GSE1: variants seen among roughly 807,000 people sequenced by gnomAD.
GSE1 encodes the protein genetic suppressor element 1.
GSE1 carries 32 observed loss-of-function variants against 112.6 expected under a neutral mutation model. The observed-to-expected ratio is 0.28, with a 90% confidence interval of 0.21 to 0.38. The LOEUF (loss-of-function observed/expected upper bound fraction) is 0.38, where lower values mean the gene tolerates loss of function less well. Ranked by LOEUF, GSE1 falls within the 10% of genes least tolerant of loss-of-function variation. The pLI is 1.00. For synonymous variants in GSE1, 1,115 were observed against 735.6 expected, an observed-to-expected ratio of 1.52 and a Z score of -8.35; for missense variants, 2,348 against 1,699.2, an observed-to-expected ratio of 1.38 and a Z score of -6.71.
rs1026650910 is a variant in GSE1, at chr16:85,604,592, C to T, written c.38-43960C>T. On this transcript the variant is annotated intron_variant, in intron 1 of 2. Coordinates refer to the GSE1 transcript ENST00000635906. The stretch of plus-strand genomic sequence containing the variant: ...AGAGACCACATTTTGTTTATCTCTT[C>T]CCCCCGTTGATGGTCACATGGGCTG... Among the ~76,000 whole-genome samples the T allele has an allele frequency of 9.9e-4, 148 of 149,030 alleles. 1 individual carries two copies. Among genetic ancestry groups the T allele is most frequent in the Non-Finnish European group, 1.4e-3 (94 of 67,372 alleles).
chr16:85,178,107 G>T (rs1182470115), intron 1 of GSE1, among the ~76,000 whole-genome samples: 1 of 152,204 alleles, frequency 6.6e-6, no homozygotes, highest in African/African-American at 2.4e-5. Context: ...AAGAGGTCCA[G>T]CCGTGGTTGT....
intron 2 of GSE1, among the ~76,000 whole-genome samples, chr16:85,480,751 T>TC (rs1226251936): frequency 6.6e-6 from 1 of 152,180 alleles, no homozygotes; most frequent in African/African-American, 2.4e-5. Flanking sequence ...TGGCCAGCAC[T>TC]GTCGGTCAGG....
Position 85,661,502 on chromosome 16 carries a change from C to A in GSE1, c.1997C>A (p.Pro666His). The A allele has an allele frequency of 6.2e-7, 1 of 1,611,906 alleles. No individual in the cohort carries two copies. Among genetic ancestry groups the A allele is most frequent in the Non-Finnish European group, 8.5e-7 (1 of 1,179,562 alleles). ...GAGGGAGGGAGCCTGGAGCACCAGCCCTTCCTGCCCGGGCCCGGGCCCTTC... is the reference window on the plus strand; with the variant it reads ...GAGGGAGGGAGCCTGGAGCACCAGCACTTCCTGCCCGGGCCCGGGCCCTTC... ...PREGGSLEHQ[P>H]FLPGPGPFLA... The change falls in exon 9 of 16, where the codon CCC (proline) becomes CAC (histidine). Residue 666 changes from proline (P) to histidine (H), a missense_variant. Coordinates refer to ENST00000253458, the MANE Select transcript of GSE1 (RefSeq NM_014615.5).
Position 85,648,599 on chromosome 16 carries a change from A to G in GSE1, c.274A>G (p.Asn92Asp). ...ESSPVSSPAT[N>D]HSSPASTPKR... ...GTCCCCCGTGTCCTCTCCGGCCACC[A>G]ACCACAGCTCCCCCGCCAGCACACC... Residue 92 changes from asparagine (N) to aspartate (D), a missense_variant, in exon 3 of 16, where the codon AAC (asparagine) becomes GAC (aspartate). Transcript: ENST00000253458. 6.2e-7 allele frequency: 1 copy of G among 1,605,352 alleles called. No homozygotes were observed. Among genetic ancestry groups the G allele is most frequent in the Non-Finnish European group, 8.5e-7 (1 of 1,175,944 alleles).
At position 85,628,022 on chromosome 16, in the gene GSE1, C is replaced by T. The variant is rs374715138; in HGVS notation, c.8-5892C>T. Among the ~76,000 whole-genome samples, 8 of 152,148 alleles carry T rather than the reference C, an allele frequency of 5.3e-5. No homozygotes were observed. The East Asian group carries it at 1.2e-3, about 22-fold the overall frequency. ...GCAGCAGCCTTGAAGTGATCCCCAC[C>T]AGGCCTGGAGGGGCAGGAGGCACGT... On this transcript the variant is annotated intron_variant, in intron 1 of 15. Transcript: ENST00000253458.
chr16:85,551,695 T>C (rs1025963790), upstream of GSE1, among the ~76,000 whole-genome samples: 8 of 152,192 alleles, frequency 5.3e-5, no homozygotes, highest in Non-Finnish European at 8.8e-5. Context: ...CACCAGGAAA[T>C]GTCACTAACC....
intron 2 of GSE1, among the ~76,000 whole-genome samples, chr16:85,434,068 C>G (rs1171286114): frequency 6.6e-6 from 1 of 152,124 alleles, no homozygotes; most frequent in East Asian, 1.9e-4. Context: ...CCCAAAGGGG[C>G]AGCAGAAATT....
chr16:85,170,914 A>G (rs936562679), exon 1 of GSE1: 20 of 985,454 alleles, frequency 2.0e-5, no homozygotes, highest in Non-Finnish European at 2.3e-5. Context: ...CTCTAAGGGC[A>G]GGAGGCTCCC....
chr16:85,499,851 C>G (rs903783323), intron 2 of GSE1, among the ~76,000 whole-genome samples: 3 of 152,182 alleles, frequency 2.0e-5, no homozygotes, highest in Non-Finnish European at 2.9e-5. Context: ...AATGGACAGA[C>G]TGTTACAGCC....
rs541528188 is a variant in GSE1 at position 85,654,561 on chromosome 16, A to G, written c.599+111A>G. The G allele has an allele frequency of 5.8e-5, 57 of 985,002 alleles. No individual in the cohort carries two copies. In the African/African-American group the frequency reaches 7.3e-4, roughly 13 times the overall value. 61.0% of individuals were successfully genotyped at this position (985,002 alleles called of 1,614,324 possible). On this transcript the variant is annotated intron_variant, in intron 4 of 15. Coordinates refer to ENST00000253458, the MANE Select transcript of GSE1 (RefSeq NM_014615.5). ...GCACAGATGAGGCTGTGCCTGCTAGATGGTTGTCGGCCGCTGAGCCCTGGG... is the reference window on the plus strand; with the variant it reads ...GCACAGATGAGGCTGTGCCTGCTAGGTGGTTGTCGGCCGCTGAGCCCTGGG...
exon 1 of GSE1, chr16:85,171,664 G>C: frequency 1.0e-6 from 1 of 985,582 alleles, no homozygotes; most frequent in Non-Finnish European, 1.2e-6. Context: ...CACCCTGCGA[G>C]CAAGCCACAG....
chr16:85,180,733 A>G (rs1317458394), intron 1 of GSE1, among the ~76,000 whole-genome samples: 2 of 152,202 alleles, frequency 1.3e-5, no homozygotes, highest in African/African-American at 4.8e-5. Flanking sequence ...GCACTCTGCC[A>G]TGCTCATCAC....
intron 2 of GSE1, among the ~76,000 whole-genome samples, chr16:85,471,885 T>A (rs139006115): frequency 1.3e-5 from 2 of 152,164 alleles, no homozygotes; most frequent in African/African-American, 4.8e-5. Flanking sequence ...TAAGCCCACA[T>A]TTGTTAAGTG....
chr16:85,260,319 C>CTTTTTTTTTTTTTTTTTTTTTT (rs111292010), intron 1 of GSE1, among the ~76,000 whole-genome samples: 5 of 94,868 alleles, frequency 5.3e-5, no homozygotes, highest in African/African-American at 1.4e-4. Context: ...TTTTTCTTTT[C>CTTTTTTTTTTTTTTTTTTTTTT]TTTTTTTTTT....
intron 1 of GSE1, among the ~76,000 whole-genome samples, chr16:85,255,134 G>A (rs1037700375): frequency 1.3e-5 from 2 of 152,208 alleles, no homozygotes; most frequent in Non-Finnish European, 1.5e-5. Context: ...CCCGAGGGGC[G>A]GGCGTGAGAG....
intron 1 of GSE1, among the ~76,000 whole-genome samples, chr16:85,576,877 G>A (rs2046248518): frequency 6.6e-6 from 1 of 152,134 alleles, no homozygotes; most frequent in South Asian, 2.1e-4. Context: ...GTCATCACTG[G>A]GCTCTCACAG....
At chr16:85,189,054 G>A (rs1384721907) in intron 1 of GSE1, among the ~76,000 whole-genome samples, 1 of 152,136 alleles carries the variant, frequency 6.6e-6, no homozygotes, top group Non-Finnish European at 1.5e-5. Flanking sequence ...CAGTGCTGCC[G>A]GAAGCCTATT....
chr16:85,428,371 C>T (rs758380237), intron 2 of GSE1, among the ~76,000 whole-genome samples: 8 of 152,212 alleles, frequency 5.3e-5, no homozygotes, highest in African/African-American at 1.7e-4. Context: ...ACTTCGGAGC[C>T]GACCGTCTGG....
chr16:85,448,797 G>T (rs909732715), intron 2 of GSE1, among the ~76,000 whole-genome samples: 10 of 152,234 alleles, frequency 6.6e-5, no homozygotes, highest in African/African-American at 2.4e-4. Context: ...GAGGCAGGCG[G>T]CAGCTGCTGC....
Sources: gnomAD v4.1 joint callset for allele counts (sites outside exome capture counted in the v4.1 genomes callset) on GRCh38, gnomAD v4.1.1 for gene constraint, MANE v1.5 for transcripts, NCBI Gene and HGNC (gene_info 2026-07-23, HGNC 2026-07-21) for gene names.